UNKL: variants seen among roughly 807,000 people sequenced by gnomAD.
The protein encoded by UNKL is unk like zinc finger.
Under a neutral mutation model 78.0 loss-of-function variants are expected in UNKL, and 60 were observed. That is an observed-to-expected ratio of 0.77 (90% confidence interval 0.63 to 0.95). UNKL has a LOEUF of 0.95. Ranked by LOEUF, UNKL falls within the 40% of genes least tolerant of loss-of-function variation. UNKL has a pLI of 0.00. For missense variants in UNKL, 1,159 were observed against 1,045.7 expected (o/e 1.11, Z -1.49); for synonymous variants, 608 against 474.8 (o/e 1.28, Z -3.65).
intron 5 of UNKL, chr16:1,398,647 T>C (rs1169120996): frequency 3.5e-6 from 5 of 1,436,352 alleles, no homozygotes; most frequent in Admixed American, 5.2e-5. Context: ...GCCAAGGCCA[T>C]GGCCCAGGCA....
intron 2 of UNKL, among the ~76,000 whole-genome samples, chr16:1,409,470 T>C (rs1461876983): frequency 1.3e-5 from 2 of 152,120 alleles, no homozygotes; most frequent in African/African-American, 4.8e-5. Context: ...AGCAAGTCAT[T>C]CACACGCTAC....
At chr16:1,391,897 AG>A (rs1201897977) in intron 8 of UNKL, among the ~76,000 whole-genome samples, 2 of 152,110 alleles carry the variant, frequency 1.3e-5, no homozygotes, top group African/African-American at 2.4e-5. Flanking sequence ...CATGTTCATC[AG>A]GCCGGTCTCG....
At chr16:1,391,260 ACACAC>A (rs2037042717) in intron 8 of UNKL, among the ~76,000 whole-genome samples, 1 of 149,982 alleles carries the variant, frequency 6.7e-6, no homozygotes, top group African/African-American at 2.5e-5. Flanking sequence ...ACACACACAC[ACACAC>A]ACACACACAC....
intron 2 of UNKL, 78 bp downstream of exon 2, chr16:1,413,768 C>A (rs2038155179): frequency 7.0e-7 from 1 of 1,431,742 alleles, no homozygotes; most frequent in Non-Finnish European, 9.3e-7. Context: ...AAGGCGTCCG[C>A]TGAGGGTCCC....
chr16:1,379,681 A>C, intron 10 of UNKL: 2 of 982,816 alleles, frequency 2.0e-6, no homozygotes, highest in Non-Finnish European at 2.4e-6. Context: ...CCGGGGATTC[A>C]AACCCGGCCC....
chr16:1,409,918 A>G (rs1017974728), intron 2 of UNKL, among the ~76,000 whole-genome samples: 1 of 151,892 alleles, frequency 6.6e-6, no homozygotes, highest in Non-Finnish European at 1.5e-5. Flanking sequence ...CATCTCTACT[A>G]AAAACACAAA....
In UNKL at chr16:1,365,494, C is replaced by A. The variant is rs989315111; in HGVS notation, c.*746G>T. On this transcript the variant is annotated 3_prime_UTR_variant, in exon 15 of 15. Transcript: ENST00000389221. ...GCAGGACGGAGCTCTCCTGCTCCCACGCCACGAGGCTGGAACATCAGCCCC... is the reference window on the plus strand; with the variant it reads ...GCAGGACGGAGCTCTCCTGCTCCCAAGCCACGAGGCTGGAACATCAGCCCC... The A allele has an allele frequency of 1.4e-4, 22 of 152,510 alleles. No homozygotes were observed. Among genetic ancestry groups the A allele is most frequent in the African/African-American group, 5.1e-4 (21 of 41,454 alleles). 9.4% of individuals were successfully genotyped at this position (152,510 alleles called of 1,614,324 possible). A position where few individuals can be genotyped will look rare whatever the true frequency, so the allele number is the denominator to read the frequency against.
chr16:1,370,866 G>A (rs900970528), intron 11 of UNKL, among the ~76,000 whole-genome samples: 13 of 152,290 alleles, frequency 8.5e-5, no homozygotes, highest in Admixed American at 2.0e-4. Flanking sequence ...GGCAGATCAC[G>A]GGGTCAGGAG....
In UNKL at chr16:1,366,367, C is replaced by A; in HGVS notation, c.2075G>T (p.Cys692Phe). ...GVIFQLRAKQ[C>F]VACRERAHGA... is the part of the protein sequence containing the mutation. ...GTGGGCCCGCTCCCGGCAGGCCACA[C>A]ACTGCTTGGCGCGGAGCTGGAAGAT... Residue 692 changes from cysteine to phenylalanine, a missense_variant, in exon 15 of 15, where the codon TGT (cysteine) becomes TTT (phenylalanine). Cys to Phe is a radical substitution (Grantham distance 205, BLOSUM62 -2). Coordinates refer to ENST00000389221, the MANE Select transcript of UNKL (RefSeq NM_001372107.1). The A allele has an allele frequency of 1.2e-6, 2 of 1,601,990 alleles. No individual in the cohort carries two copies. Among genetic ancestry groups the A allele is most frequent in the Non-Finnish European group, 1.7e-6 (2 of 1,173,786 alleles).
intron 8 of UNKL, among the ~76,000 whole-genome samples, chr16:1,391,245 C>CACACACACACACAA (rs1357193056): frequency 9.0e-3 from 26 of 2,874 alleles, no homozygotes; most frequent in Admixed American, 0.031. Flanking sequence ...AAGATACACA[C>CACACACACACACAA]ACACACACAC....
chr16:1,392,390 G>A (rs2037083723), intron 8 of UNKL, among the ~76,000 whole-genome samples: 1 of 152,034 alleles, frequency 6.6e-6, no homozygotes, highest in African/African-American at 2.4e-5. Context: ...CCTTCCGCCA[G>A]TCTCCCCCAT....
At chr16:1,371,851 C>T (rs902087614) in intron 10 of UNKL, among the ~76,000 whole-genome samples, 17 of 152,244 alleles carry the variant, frequency 1.1e-4, no homozygotes, top group Admixed American at 2.6e-4. Flanking sequence ...ACGCCCCGCA[C>T]CACAGACCAG....
chr16:1,376,123 GCTCCTCC>G lies in UNKL; in HGVS notation c.1265-4519_1265-4513del, dbSNP rs560423160. Among the ~76,000 whole-genome samples the G allele has an allele frequency of 1.8e-4, 26 of 143,084 alleles. 1 individual carries two copies. The South Asian group carries it at 5.3e-3, about 29-fold the overall frequency. 93.9% of individuals were successfully genotyped at this position (143,084 alleles called of 152,430 possible). A position where few individuals can be genotyped will look rare whatever the true frequency, so the allele number is the denominator to read the frequency against. Reference sequence around the variant, plus strand: ...CTCCCTCACTCCAAGGCTGGGGCACGCTCCTCCCTCCTCCCTCCAGGGCTGGGGCGCT... The same window carrying G: ...CTCCCTCACTCCAAGGCTGGGGCACGCTCCTCCCTCCAGGGCTGGGGCGCT... On this transcript the variant is annotated intron_variant, in intron 10 of 14. Coordinates refer to ENST00000389221, the MANE Select transcript of UNKL (RefSeq NM_001372107.1).
Position 1,399,518 on chromosome 16 carries a change from T to C in UNKL, c.599-9A>G. On this transcript the variant is annotated splice_polypyrimidine_tract_variant and intron_variant, in intron 4 of 14. Transcript: ENST00000389221. This position sits in a 1 kb window ranked among gnomAD's most constrained non-coding sequence, Gnocchi z 5.8. ...CAGCACGAAGTTGGCATCTGAAAAA[T>C]GGGCCACACGGTGCCTGAGCAGCGC... The C allele has an allele frequency of 5.0e-6, 8 of 1,590,664 alleles. No homozygotes were observed. Among genetic ancestry groups the C allele is most frequent in the South Asian group, 1.1e-5 (1 of 87,924 alleles).
At position 1,367,313 on chromosome 16, in the gene UNKL, T is replaced by G. The variant is rs2035359031; in HGVS notation, c.1825A>C (p.Lys609Gln). 1 of 1,551,782 alleles carries G rather than the reference T, an allele frequency of 6.4e-7. No homozygotes were observed. The highest frequency in any genetic ancestry group is 2.4e-5 in the East Asian group (1 of 41,460). The change falls in exon 14 of 15, where the codon AAG becomes CAG. Residue 609 changes from lysine to glutamine, a missense_variant. By Grantham distance (53) the Lys-to-Gln change is moderately conservative (BLOSUM62 1). Transcript: ENST00000389221. ...CTATCGGCCACACGGGCACGCTCCTTGGCCTCCTGCGCCTCTCGCTGCCAG... is the reference window on the plus strand; with the variant it reads ...CTATCGGCCACACGGGCACGCTCCTGGGCCTCCTGCGCCTCTCGCTGCCAG... ...DAWQREAQEAKERARVADSDR... is the reference protein window; with the variant it reads ...DAWQREAQEAQERARVADSDR...
intron 2 of UNKL, chr16:1,408,812 C>T (rs1423261981): frequency 6.6e-6 from 1 of 152,536 alleles, no homozygotes; most frequent in African/African-American, 2.4e-5. Context: ...GCCCCAGCAC[C>T]TCCAGCCACA....
At chr16:1,386,925 G>C (rs1596712092) in intron 9 of UNKL, among the ~76,000 whole-genome samples, 1 of 152,136 alleles carries the variant, frequency 6.6e-6, no homozygotes, top group Non-Finnish European at 1.5e-5. Flanking sequence ...TCCCTGCCCA[G>C]GTGCGAGAAG....
intron 10 of UNKL, among the ~76,000 whole-genome samples, chr16:1,379,904 C>T (rs1439708591): frequency 6.6e-6 from 1 of 152,174 alleles, no homozygotes; most frequent in African/African-American, 2.4e-5. Flanking sequence ...AGAGCTGCCC[C>T]GCTGCCCGGC....
chr16:1,406,068 G>A (rs1262950789), intron 2 of UNKL: 5 of 456,764 alleles, frequency 1.1e-5, no homozygotes, highest in East Asian at 1.4e-4. Context: ...GGGAACGTGC[G>A]AGAACCACCG....
Sources: allele counts gnomAD v4.1 joint callset (sites outside exome capture counted in the v4.1 genomes callset), GRCh38; gene constraint gnomAD v4.1.1; non-coding constraint Gnocchi (gnomAD v3.1); transcripts MANE v1.5; gene names NCBI Gene and HGNC (gene_info 2026-07-23, HGNC 2026-07-21).